FARS2: variants seen among roughly 807,000 people sequenced by gnomAD.
FARS2 encodes phenylalanyl-tRNA synthetase 2, mitochondrial, also known as phenylalanine--tRNA ligase, mitochondrial.
Under a neutral mutation model 46.4 loss-of-function variants are expected in FARS2, and 40 were observed. The observed-to-expected ratio is 0.86, with a 90% CI of 0.67 to 1.12. The LOEUF (loss-of-function observed/expected upper bound fraction) is 1.12. Among genes scored for constraint, FARS2 ranks in the 50% most tolerant of loss-of-function variants. FARS2 has a pLI of 0.00. For missense variants in FARS2, 513 were observed against 567.9 expected, an observed-to-expected ratio of 0.90 and a Z score of 0.98; for synonymous variants, 234 against 214.9, an observed-to-expected ratio of 1.09 and a Z score of -0.78.
intron 4 of FARS2, among the ~76,000 whole-genome samples, chr6:5,511,090 AAGTGTCCCAC>A (rs1768423425): frequency 6.6e-6 from 1 of 152,204 alleles, no homozygotes; most frequent in Non-Finnish European, 1.5e-5. Context: ...CAGATGGCAC[AAGTGTCCCAC>A]ACTTTCACCC....
rs561180209 is a variant in FARS2 at position 5,354,405 on chromosome 6, G to T, written c.-21-14145G>T. Among the ~76,000 whole-genome samples the T allele has an allele frequency of 2.9e-4, 44 of 152,048 alleles. 1 individual carries two copies. The highest frequency in any genetic ancestry group is 1.0e-3 in the African/African-American group (42 of 41,442). On this transcript the variant is annotated intron_variant, in intron 1 of 6. Transcript: ENST00000274680. Reference sequence around the variant, plus strand: ...CTAAAAATCTATGATTGCACAGAATGCAGATTTTCTTAAAGGATTACTATG... The same window carrying T: ...CTAAAAATCTATGATTGCACAGAATTCAGATTTTCTTAAAGGATTACTATG...
chr6:5,558,683 C>A (rs1771811859), intron 5 of FARS2, among the ~76,000 whole-genome samples: 1 of 151,930 alleles, frequency 6.6e-6, no homozygotes, highest in South Asian at 2.1e-4. Flanking sequence ...ACTACAGGCA[C>A]CCGCCACCAC....
At chr6:5,704,538 A>C (rs532766328) in intron 6 of FARS2, among the ~76,000 whole-genome samples, 1 of 152,220 alleles carries the variant, frequency 6.6e-6, no homozygotes, top group African/African-American at 2.4e-5. Flanking sequence ...CTCTGCAACT[A>C]TGTTTTGTCT....
At position 5,727,883 on chromosome 6, in the gene FARS2, G is replaced by A. The variant is rs1760367497; in HGVS notation, c.1218-43408G>A. 6.6e-6 allele frequency among the ~76,000 whole-genome samples: 1 copy of A among 152,224 alleles called. No individual in the cohort carries two copies. Among genetic ancestry groups the A allele is most frequent in the African/African-American group, 2.4e-5 (1 of 41,450 alleles). ...TTTCTAAATGAGCTTCCTGCCTCAA[G>A]GCAAAGGTTGAGTTGCCCGTGCAGC... On this transcript the variant is annotated intron_variant, in intron 6 of 6. Transcript: ENST00000274680. The surrounding 1 kb of genome is among the most constrained non-coding windows in gnomAD (Gnocchi z 4.1).
the FARS2 span, among the ~76,000 whole-genome samples, chr6:5,254,115 G>C: frequency 6.6e-6 from 1 of 152,202 alleles, no homozygotes; most frequent in Non-Finnish European, 1.5e-5. Flanking sequence ...GCAAATCCAT[G>C]AGATGCACTG....
At chr6:5,440,087 A>G (rs77562092) in intron 4 of FARS2, among the ~76,000 whole-genome samples, 7,935 of 152,296 alleles carry the variant, frequency 0.052, 231 homozygotes, top group South Asian at 0.084. Context: ...TCTGATATAA[A>G]AGCAATCTGT....
intron 5 of FARS2, among the ~76,000 whole-genome samples, chr6:5,549,193 T>A (rs7756457): frequency 0.72 from 108,169 of 149,376 alleles, 39,895 homozygotes; most frequent in African/African-American, 0.83. Flanking sequence ...TTTTTTTTTT[T>A]AATTATACTT....
At chr6:5,267,266 T>C (rs1395551502) in intron 1 of FARS2, among the ~76,000 whole-genome samples, 1 of 152,208 alleles carries the variant, frequency 6.6e-6, no homozygotes, top group East Asian at 1.9e-4. Flanking sequence ...TGATTTGTTG[T>C]AATCTGTTAT....
chr6:5,487,375 CAA>C (rs1374771471), intron 4 of FARS2, among the ~76,000 whole-genome samples: 2 of 152,172 alleles, frequency 1.3e-5, no homozygotes, highest in East Asian at 3.8e-4. Context: ...AAAACAGAAT[CAA>C]AGTGATAATA....
intron 5 of FARS2, among the ~76,000 whole-genome samples, chr6:5,599,878 G>T (rs147288691): frequency 7.9e-5 from 12 of 151,994 alleles, no homozygotes; most frequent in African/African-American, 2.9e-4. Context: ...GATTTCTCAG[G>T]CTTGCTTCTT....
intron 4 of FARS2, among the ~76,000 whole-genome samples, chr6:5,437,017 G>A (rs1168304289): frequency 6.6e-6 from 1 of 152,112 alleles, no homozygotes; most frequent in Non-Finnish European, 1.5e-5. Context: ...GATGATAAAT[G>A]TTTTCATTCC....
intron 1 of FARS2, among the ~76,000 whole-genome samples, chr6:5,323,594 C>G (rs1770139459): frequency 6.6e-6 from 1 of 152,140 alleles, no homozygotes; most frequent in South Asian, 2.1e-4. Flanking sequence ...GAGCTGCCAT[C>G]CAGAATCTTA....
intron 6 of FARS2, among the ~76,000 whole-genome samples, chr6:5,664,767 CTG>C (rs1778024616): frequency 6.6e-6 from 1 of 152,186 alleles, no homozygotes. Context: ...AGGCATATAA[CTG>C]TGATCTCTGA....
intron 4 of FARS2, among the ~76,000 whole-genome samples, chr6:5,526,282 T>C (rs1769460795): frequency 6.6e-6 from 1 of 152,234 alleles, no homozygotes; most frequent in South Asian, 2.1e-4. Flanking sequence ...TTTTGGATAA[T>C]GATGAAGAGA....
chr6:5,690,631 T>G (rs1303371787), intron 6 of FARS2, among the ~76,000 whole-genome samples: 1 of 151,992 alleles, frequency 6.6e-6, no homozygotes, highest in Non-Finnish European at 1.5e-5. Flanking sequence ...GCCCTTAACA[T>G]TTTTTCCTTC....
chr6:5,545,395 C>A (rs567014004), intron 5 of FARS2, 55 bp downstream of exon 5: 1 of 1,338,782 alleles, frequency 7.5e-7, no homozygotes, highest in South Asian at 1.3e-5. Flanking sequence ...TGTCAAGGAT[C>A]GACAGGATCA....
At chr6:5,381,893 C>T (rs751522600) in intron 2 of FARS2, among the ~76,000 whole-genome samples, 1 of 152,182 alleles carries the variant, frequency 6.6e-6, no homozygotes, top group South Asian at 2.1e-4. Flanking sequence ...TGGAAAGTCT[C>T]TCTCCGAGGG....
At chr6:5,272,683 T>C (rs749560300) in intron 1 of FARS2, among the ~76,000 whole-genome samples, 1 of 152,214 alleles carries the variant, frequency 6.6e-6, no homozygotes, top group Non-Finnish European at 1.5e-5. Flanking sequence ...TGTTTTCTTC[T>C]AGCTATTTTG....
intron 2 of FARS2, among the ~76,000 whole-genome samples, chr6:5,389,333 CTT>C (rs1363860517): frequency 7.2e-5 from 11 of 152,184 alleles, no homozygotes; most frequent in African/African-American, 2.7e-4. Flanking sequence ...CATCTTCTCT[CTT>C]GTGTCCTGTC....
Sources: allele counts gnomAD v4.1 joint callset (sites outside exome capture counted in the v4.1 genomes callset), GRCh38; gene constraint gnomAD v4.1.1; non-coding constraint Gnocchi (gnomAD v3.1); transcripts MANE v1.5; gene names NCBI Gene and HGNC (gene_info 2026-07-23, HGNC 2026-07-21).